UNC5C: variants seen among roughly 807,000 people sequenced by gnomAD.
UNC5C encodes netrin receptor UNC5C.
A neutral mutation model predicts 99.8 loss-of-function variants in UNC5C; 47 were observed. The ratio of observed to expected loss-of-function variants is 0.47; its 90% CI spans 0.37 to 0.60. The LOEUF is 0.60. Ranked by LOEUF, UNC5C falls within the 20% of genes least tolerant of loss-of-function variation. The pLI, the probability that UNC5C is intolerant of heterozygous loss-of-function variation, is 0.00. For missense variants in UNC5C, 1,062 were observed against 1,165.9 expected (o/e 0.91, Z 1.30); for synonymous variants, 487 against 452.2 (o/e 1.08, Z -0.98).
At chr4:95,239,614 T>C (rs1739255956) in intron 7 of UNC5C, among the ~76,000 whole-genome samples, 1 of 152,216 alleles carries the variant, frequency 6.6e-6, no homozygotes, top group Non-Finnish European at 1.5e-5. Context: ...AGCTTCATTT[T>C]TGGCATTTGA....
intron 12 of UNC5C, among the ~76,000 whole-genome samples, chr4:95,196,607 G>C (rs937808569): frequency 6.7e-6 from 1 of 150,300 alleles, no homozygotes; most frequent in Non-Finnish European, 1.5e-5. Flanking sequence ...CAAAACCCTG[G>C]AAAATTGTTA....
At chr4:95,348,219 G>A (rs1743849983) in intron 1 of UNC5C, among the ~76,000 whole-genome samples, 2 of 151,722 alleles carry the variant, frequency 1.3e-5, no homozygotes, top group Admixed American at 1.3e-4. Context: ...TTAATGACCA[G>A]TAAAGCCAGT....
At chr4:95,217,816 C>T (rs1051636765) in intron 9 of UNC5C, among the ~76,000 whole-genome samples, 1 of 151,976 alleles carries the variant, frequency 6.6e-6, no homozygotes, top group African/African-American at 2.4e-5. Flanking sequence ...CAATAATGGA[C>T]TGTTATAAAG....
chr4:95,534,957 G>A (rs1368750311), intron 1 of UNC5C, among the ~76,000 whole-genome samples: 3 of 152,128 alleles, frequency 2.0e-5, no homozygotes, highest in Non-Finnish European at 4.4e-5. Flanking sequence ...TTTATAAAGA[G>A]TTTAAATGTT....
intron 1 of UNC5C, among the ~76,000 whole-genome samples, chr4:95,448,238 G>GAGAGAGAGACAGAC (rs1553973954): frequency 7.3e-6 from 1 of 136,940 alleles, no homozygotes; most frequent in Non-Finnish European, 1.6e-5. Context: ...GAGAGAGAGA[G>GAGAGAGAGACAGAC]AGAGAGAGAG....
chr4:95,435,316 A>G (rs1433273533), intron 1 of UNC5C, among the ~76,000 whole-genome samples: 1 of 87,246 alleles, frequency 1.1e-5, no homozygotes, highest in Admixed American at 1.0e-4. Flanking sequence ...TCATTTAATT[A>G]TGTTTATGTT....
At chr4:95,471,741 ATTTC>A (rs1747974905) in intron 1 of UNC5C, among the ~76,000 whole-genome samples, 1 of 152,124 alleles carries the variant, frequency 6.6e-6, no homozygotes, top group African/African-American at 2.4e-5. Context: ...GCCCCTGTTA[ATTTC>A]TTTATGAATC....
At chr4:95,341,507 G>GAA (rs1553964896) in intron 1 of UNC5C, among the ~76,000 whole-genome samples, 80,635 of 144,716 alleles carry the variant, frequency 0.56, 24,871 homozygotes, top group East Asian at 0.97. Context: ...AAGAAAGAGA[G>GAA]AGAAAGAAAG....
intron 1 of UNC5C, among the ~76,000 whole-genome samples, chr4:95,349,964 T>C (rs946972343): frequency 3.3e-5 from 5 of 152,158 alleles, no homozygotes; most frequent in Admixed American, 3.3e-4. Flanking sequence ...AGCCACACTT[T>C]ATATTTCAAT....
intron 1 of UNC5C, among the ~76,000 whole-genome samples, chr4:95,408,767 A>G (rs1463617976): frequency 6.6e-6 from 1 of 152,198 alleles, no homozygotes; most frequent in Non-Finnish European, 1.5e-5. Flanking sequence ...TACAAGAGAG[A>G]TTTTTAAAGA....
At chr4:95,259,667 A>T (rs112631739) in intron 4 of UNC5C, among the ~76,000 whole-genome samples, 56 of 152,308 alleles carry the variant, frequency 3.7e-4, no homozygotes, top group African/African-American at 1.3e-3. Context: ...CATTTTAATT[A>T]ATCTTCATAA....
At chr4:95,541,739 T>C (rs1722926919) in intron 1 of UNC5C, among the ~76,000 whole-genome samples, 1 of 152,142 alleles carries the variant, frequency 6.6e-6, no homozygotes, top group Admixed American at 6.6e-5. Context: ...AACTGGACTG[T>C]AGATGCATTT....
intron 7 of UNC5C, among the ~76,000 whole-genome samples, chr4:95,220,693 G>C (rs918837853): frequency 6.6e-6 from 1 of 152,166 alleles, no homozygotes; most frequent in Non-Finnish European, 1.5e-5. Flanking sequence ...TCAATGGAGA[G>C]GTGGGTGGGA....
intron 1 of UNC5C, among the ~76,000 whole-genome samples, chr4:95,471,651 T>C (rs529437792): frequency 1.2e-4 from 19 of 152,270 alleles, no homozygotes; most frequent in African/African-American, 4.3e-4. Flanking sequence ...CACAGTTTGC[T>C]TTTCTATATT....
At chr4:95,331,646 A>C (rs1267189330) in intron 2 of UNC5C, among the ~76,000 whole-genome samples, 1 of 152,168 alleles carries the variant, frequency 6.6e-6, no homozygotes, top group African/African-American at 2.4e-5. Flanking sequence ...TCCTGAATTT[A>C]AATGAAAACA....
chr4:95,506,831 C>T (rs976129880), intron 1 of UNC5C, among the ~76,000 whole-genome samples: 21 of 151,778 alleles, frequency 1.4e-4, no homozygotes, highest in African/African-American at 5.1e-4. Flanking sequence ...TTTTCTTTCA[C>T]TATTACTCTC....
In UNC5C at chr4:95,317,576, C is replaced by T. The variant is rs958440328; in HGVS notation, c.347-15827G>A. Among the ~76,000 whole-genome samples, 6 of 152,172 alleles carry T rather than the reference C, an allele frequency of 3.9e-5. No individual in the cohort carries two copies. In the East Asian group the frequency reaches 9.6e-4, roughly 24 times the overall value. On this transcript the variant is annotated intron_variant, in intron 2 of 15. Transcript: ENST00000453304. ...GAGAAACGTGGCAATGAGAATGAGA[C>T]GGAATGGCTGTCACAGTGCAGGGGC... is the stretch of plus-strand genomic sequence containing the variant.
chr4:95,379,211 G>A (rs901990804), intron 1 of UNC5C, among the ~76,000 whole-genome samples: 1 of 152,094 alleles, frequency 6.6e-6, no homozygotes, highest in Admixed American at 6.6e-5. Context: ...AAGTCTTAAC[G>A]TACTTTACAT....
intron 5 of UNC5C, among the ~76,000 whole-genome samples, chr4:95,245,735 CACTT>C (rs1335588340): frequency 6.6e-6 from 1 of 152,182 alleles, no homozygotes; most frequent in Non-Finnish European, 1.5e-5. Flanking sequence ...TTGAAATAAA[CACTT>C]ACTTTGTGTA....
Sources: gnomAD v4.1 joint callset for allele counts (sites outside exome capture counted in the v4.1 genomes callset) on GRCh38, gnomAD v4.1.1 for gene constraint, MANE v1.5 for transcripts, NCBI Gene and HGNC (gene_info 2026-07-23, HGNC 2026-07-21) for gene names.